DISP1: variants seen among roughly 807,000 people sequenced by gnomAD.
DISP1 encodes the protein protein dispatched homolog 1.
A neutral mutation model predicts 37.3 loss-of-function variants in DISP1; 30 were observed. The ratio of observed to expected loss-of-function variants is 0.80; its 90% confidence interval spans 0.60 to 1.09. The LOEUF (loss-of-function observed/expected upper bound fraction) is 1.09. Ranked by LOEUF, DISP1 falls within the 50% of genes least tolerant of loss-of-function variation. The pLI is 0.00. For synonymous variants in DISP1, 634 were observed against 690.2 expected (o/e 0.92, Z 1.28); for missense variants, 1,598 against 1,879.5 (o/e 0.85, Z 2.77).
At chr1:222,930,532 T>C (rs1673328010) in intron 2 of DISP1, among the ~76,000 whole-genome samples, 1 of 152,098 alleles carries the variant, frequency 6.6e-6, no homozygotes, top group Admixed American at 6.6e-5. Context: ...AACAGGCTTA[T>C]GTATTACAGG....
intron 1 of DISP1, among the ~76,000 whole-genome samples, chr1:222,872,748 G>A (rs1267200805): frequency 6.6e-6 from 1 of 152,036 alleles, no homozygotes; most frequent in Non-Finnish European, 1.5e-5. Flanking sequence ...CTGATTTTTT[G>A]AAGGGTTTTT....
chr1:222,826,451 G>C (rs1259003295), intron 1 of DISP1, among the ~76,000 whole-genome samples: 1 of 141,148 alleles, frequency 7.1e-6, no homozygotes, highest in Non-Finnish European at 1.5e-5. Context: ...CATGATTACA[G>C]CTCACTGCAG....
At chr1:222,827,443 C>T (rs956969306) in intron 1 of DISP1, 1 of 152,098 alleles carries the variant, frequency 6.6e-6, no homozygotes, top group Admixed American at 6.5e-5. Context: ...ACTTTTATAA[C>T]ACTGTTACTG....
chr1:222,874,039 G>GCCC (rs1669782617), intron 1 of DISP1, among the ~76,000 whole-genome samples: 1 of 152,140 alleles, frequency 6.6e-6, no homozygotes, highest in African/African-American at 2.4e-5. Flanking sequence ...ATGAAACTTA[G>GCCC]TTTGGCTGGA....
intron 2 of DISP1, among the ~76,000 whole-genome samples, chr1:222,934,669 C>T (rs1277322018): frequency 1.3e-5 from 2 of 152,034 alleles, no homozygotes; most frequent in Non-Finnish European, 2.9e-5. Flanking sequence ...AAGAAAGATA[C>T]CTGATGTGAA....
chr1:222,905,368 A>AT (rs1376696854), intron 1 of DISP1, among the ~76,000 whole-genome samples: 1 of 152,190 alleles, frequency 6.6e-6, no homozygotes, highest in East Asian at 1.9e-4. Context: ...CATTTGCAGA[A>AT]TCATGTAATG....
At position 222,877,775 on chromosome 1, in the gene DISP1, G is replaced by A. The variant is rs185943970; in HGVS notation, c.-158-50655G>A. On this transcript the variant is annotated intron_variant, in intron 1 of 8. Coordinates refer to ENST00000675850, the MANE Select transcript of DISP1 (RefSeq NM_001377229.1). ...CCCTCTAATAAAGGAGTTTGTGTTG[G>A]TTGGGAAGGTCTTGAAAGGCTCCTT... Among the ~76,000 whole-genome samples the A allele has an allele frequency of 3.0e-3, 453 of 152,330 alleles. 4 individuals are homozygous for A. The highest frequency in any genetic ancestry group is 0.01 in the African/African-American group (433 of 41,582).
At chr1:222,959,870 A>T (rs1018736599) in intron 3 of DISP1, among the ~76,000 whole-genome samples, 1 of 151,966 alleles carries the variant, frequency 6.6e-6, no homozygotes, top group Non-Finnish European at 1.5e-5. Flanking sequence ...ACCAACAAAG[A>T]TCAAAAAAGA....
chr1:222,939,457 T>C (rs2609388), intron 2 of DISP1, among the ~76,000 whole-genome samples: 25,288 of 149,004 alleles, frequency 0.17, 2,218 homozygotes, highest in South Asian at 0.3. Flanking sequence ...GATTTCAGGG[T>C]TCTTTGAAGG....
At chr1:222,862,699 A>C (rs1430326337) in intron 1 of DISP1, among the ~76,000 whole-genome samples, 2 of 152,016 alleles carry the variant, frequency 1.3e-5, no homozygotes, top group Non-Finnish European at 2.9e-5. Flanking sequence ...CGCTTGGGTC[A>C]TTTTTAAATT....
chr1:222,912,979 G>A (rs1672289609), intron 1 of DISP1, among the ~76,000 whole-genome samples: 1 of 152,098 alleles, frequency 6.6e-6, no homozygotes, highest in East Asian at 1.9e-4. Context: ...GAGACAATTT[G>A]TACTCTCAAC....
chr1:222,871,165 C>G (rs1330258566), intron 1 of DISP1, among the ~76,000 whole-genome samples: 2 of 152,128 alleles, frequency 1.3e-5, no homozygotes, highest in East Asian at 3.8e-4. Flanking sequence ...TGTTTTGGGA[C>G]CAGTACCATA....
At chr1:222,845,795 A>T (rs964668075) in intron 1 of DISP1, among the ~76,000 whole-genome samples, 2 of 152,154 alleles carry the variant, frequency 1.3e-5, no homozygotes, top group Non-Finnish European at 2.9e-5. Context: ...ATGATATATA[A>T]CTTTTGGGAT....
At chr1:222,946,383 CAAA>C (rs71178514) in intron 3 of DISP1, among the ~76,000 whole-genome samples, 12 of 85,368 alleles carry the variant, frequency 1.4e-4, no homozygotes, top group Non-Finnish European at 1.6e-4. Context: ...GACTCCATCT[CAAA>C]AAAAAAAAAA....
intron 1 of DISP1, chr1:222,835,231 G>A (rs1666752759): frequency 6.6e-6 from 1 of 152,100 alleles, no homozygotes; most frequent in Non-Finnish European, 1.5e-5. Context: ...TTCAAATTTT[G>A]AAAGAGTCAT....
Position 222,999,597 on chromosome 1 carries a change from T to C in DISP1, c.988-2788T>C, listed in dbSNP as rs143735708. ...TCTCGCTTTGAATTACAGTTACTTATGTTTGTGTCTGATTTCCCTGCCACA... is the reference window on the plus strand; with the variant it reads ...TCTCGCTTTGAATTACAGTTACTTACGTTTGTGTCTGATTTCCCTGCCACA... On this transcript the variant is annotated intron_variant, in intron 8 of 8. Transcript: ENST00000675850. Among the ~76,000 whole-genome samples the C allele has an allele frequency of 5.7e-3, 864 of 152,290 alleles. 1 individual carries two copies. Among genetic ancestry groups the C allele is most frequent in the Non-Finnish European group, 9.3e-3 (632 of 68,010 alleles).
At chr1:222,816,520 G>A (rs1190845825) in intron 1 of DISP1, among the ~76,000 whole-genome samples, 2 of 152,190 alleles carry the variant, frequency 1.3e-5, no homozygotes, top group African/African-American at 4.8e-5. Context: ...AAAAATTACT[G>A]TATTAGTACA....
At chr1:222,927,656 C>T (rs1367878024) in intron 1 of DISP1, among the ~76,000 whole-genome samples, 2 of 152,092 alleles carry the variant, frequency 1.3e-5, no homozygotes, top group Non-Finnish European at 2.9e-5. Context: ...ATTTTTATTA[C>T]CAAAGTCATG....
Position 223,004,062 on chromosome 1 carries a change from T to C in DISP1, c.2665T>C (p.Cys889Arg). The change falls in exon 9 of 9, where the codon TGC (cysteine) becomes CGC (arginine). Residue 889 changes from cysteine (C) to arginine (R), a missense_variant. By Grantham distance (180) the Cys-to-Arg change is radical. Transcript: ENST00000675850. This position sits in a 1 kb window ranked among gnomAD's most constrained non-coding sequence, Gnocchi z 4.9. ...FPYKQEIFEL[C>R]IKRAIMELER... The stretch of plus-strand genomic sequence containing the variant: ...CTACAAGCAAGAGATTTTTGAACTG[T>C]GCATCAAGAGAGCTATCATGGAGCT... 1 of 1,614,138 alleles carries C rather than the reference T, an allele frequency of 6.2e-7. No individual in the cohort carries two copies. Among genetic ancestry groups the C allele is most frequent in the East Asian group, 2.2e-5 (1 of 44,888 alleles).
Sources: allele counts gnomAD v4.1 joint callset (sites outside exome capture counted in the v4.1 genomes callset), GRCh38; gene constraint gnomAD v4.1.1; non-coding constraint Gnocchi (gnomAD v3.1); transcripts MANE v1.5; gene names NCBI Gene and HGNC (gene_info 2026-07-23, HGNC 2026-07-21).